Variants in NXPE4 observed in about 807,000 individuals in gnomAD.
NXPE4 encodes neurexophilin and PC-esterase domain family member 4.
Under a neutral mutation model 33.3 loss-of-function variants are expected in NXPE4, and 42 were observed. That is an observed-to-expected ratio of 1.26 (90% CI 0.98 to 1.63). The LOEUF (loss-of-function observed/expected upper bound fraction) is 1.63, where lower values mean the gene tolerates loss of function less well. Ranked by LOEUF, NXPE4 falls within the 40% of genes most tolerant of loss-of-function variation. The pLI, the probability that NXPE4 is intolerant of heterozygous loss-of-function variation, is 0.00. For synonymous variants in NXPE4, 253 were observed against 234.9 expected (o/e 1.08, Z -0.71); for missense variants, 709 against 647.6 (o/e 1.09, Z -1.03).
At chr11:114,632,645 T>C in the NXPE4 span, among the ~76,000 whole-genome samples, 2 of 95,694 alleles carry the variant, frequency 2.1e-5, no homozygotes, top group Non-Finnish European at 3.7e-5. Context: ...ATGTAAATAA[T>C]AAATGTAAAA....
chr11:114,590,133 AAGGACCTCTCTG>A (rs1468033214), intron 2 of NXPE4, among the ~76,000 whole-genome samples: 1 of 152,196 alleles, frequency 6.6e-6, no homozygotes, highest in Non-Finnish European at 1.5e-5. Flanking sequence ...GGCATTGTCA[AAGGACCTCTCTG>A]AGTTTTCCCA....
intron 2 of NXPE4, among the ~76,000 whole-genome samples, chr11:114,588,207 G>A (rs1949354506): frequency 6.6e-6 from 1 of 152,070 alleles, no homozygotes; most frequent in Admixed American, 6.6e-5. Flanking sequence ...CTCCAGCTGT[G>A]CCATCAGGTC....
chr11:114,588,455 C>A (rs544731098), intron 2 of NXPE4, among the ~76,000 whole-genome samples: 2 of 152,244 alleles, frequency 1.3e-5, no homozygotes, highest in East Asian at 3.9e-4. Flanking sequence ...CTAAGCCAAA[C>A]CCTAACTGCA....
At position 114,571,194 on chromosome 11, in the gene NXPE4, T is replaced by A. The variant is rs771614032; in HGVS notation, c.1379A>T (p.His460Leu). The part of the protein sequence containing the change: ...RALNVHKAIQ[H>L]LLLRSPDTMV... ...AGTGTCTGGGCTTCTCAGAAGAAGA[T>A]GCTGAATGGCTTTGTGGACATTGAG... The change falls in exon 6 of 6, where the codon CAT becomes CTT. Residue 460 changes from histidine (H) to leucine (L), a missense_variant. By Grantham distance (99) the His-to-Leu change is moderately conservative. Transcript: ENST00000375478. 1 of 1,614,062 alleles carries A rather than the reference T, an allele frequency of 6.2e-7. No individual in the cohort carries two copies. Among genetic ancestry groups the A allele is most frequent in the South Asian group, 1.1e-5 (1 of 91,078 alleles).
At chr11:114,634,218 G>C in the NXPE4 span, among the ~76,000 whole-genome samples, 1 of 151,778 alleles carries the variant, frequency 6.6e-6, no homozygotes, top group African/African-American at 2.4e-5. Context: ...GGCCAGTGAT[G>C]GTGAGCATTT....
the NXPE4 span, among the ~76,000 whole-genome samples, chr11:114,640,983 G>A: frequency 6.6e-6 from 1 of 151,984 alleles, no homozygotes; most frequent in Non-Finnish European, 1.5e-5. Context: ...TTAGAATTAA[G>A]TGTAATCAAC....
chr11:114,601,874 TTA>T, the NXPE4 span, among the ~76,000 whole-genome samples: 14 of 3,770 alleles, frequency 3.7e-3, no homozygotes, highest in East Asian at 0.17. Flanking sequence ...ATTATATATA[TTA>T]TATATAATTA....
chr11:114,572,311 C>A (rs1332384167), intron 5 of NXPE4, among the ~76,000 whole-genome samples: 1 of 152,128 alleles, frequency 6.6e-6, no homozygotes, highest in Non-Finnish European at 1.5e-5. Context: ...AAACAAGATT[C>A]TTTAACTCCT....
At chr11:114,645,993 C>G in the NXPE4 span, among the ~76,000 whole-genome samples, 1 of 152,028 alleles carries the variant, frequency 6.6e-6, no homozygotes, top group Non-Finnish European at 1.5e-5. Context: ...GCATTTATAT[C>G]TATTGGTTAG....
the NXPE4 span, among the ~76,000 whole-genome samples, chr11:114,605,426 G>A: frequency 4.6e-5 from 7 of 151,634 alleles, no homozygotes; most frequent in East Asian, 3.9e-4. Flanking sequence ...GTATTGCCTC[G>A]TGCGTAACCA....
the NXPE4 span, among the ~76,000 whole-genome samples, chr11:114,609,039 G>GT: frequency 6.6e-6 from 1 of 151,820 alleles, no homozygotes; most frequent in Non-Finnish European, 1.5e-5. Context: ...CTCTTACCTG[G>GT]TGGATACTAA....
chr11:114,627,789 G>GAC, the NXPE4 span, among the ~76,000 whole-genome samples: 2 of 151,972 alleles, frequency 1.3e-5, no homozygotes, highest in East Asian at 3.8e-4. Flanking sequence ...CACAGGCAGA[G>GAC]ACACACATGG....
At chr11:114,623,525 G>T in the NXPE4 span, among the ~76,000 whole-genome samples, 1 of 152,060 alleles carries the variant, frequency 6.6e-6, no homozygotes, top group East Asian at 1.9e-4. Flanking sequence ...TTCCCTCGTG[G>T]ATAAACACTG....
intron 2 of NXPE4, among the ~76,000 whole-genome samples, chr11:114,589,729 C>T (rs559718874): frequency 7.9e-5 from 12 of 152,060 alleles, no homozygotes; most frequent in Non-Finnish European, 1.0e-4. Context: ...TTTTCCTAAT[C>T]GGAGACAATA....
At chr11:114,645,165 G>C in the NXPE4 span, among the ~76,000 whole-genome samples, 1 of 152,056 alleles carries the variant, frequency 6.6e-6, no homozygotes, top group Non-Finnish European at 1.5e-5. Context: ...AGCTGGGCGT[G>C]ATGGCGTGCA....
chr11:114,615,593 T>A, the NXPE4 span, among the ~76,000 whole-genome samples: 1 of 144,698 alleles, frequency 6.9e-6, no homozygotes, highest in African/African-American at 2.7e-5. Context: ...TGAATAATAT[T>A]TGCTGCCTCA....
chr11:114,601,759 ATGTGATT>A, the NXPE4 span, among the ~76,000 whole-genome samples: 236 of 71,078 alleles, frequency 3.3e-3, 9 homozygotes, highest in African/African-American at 0.013. Context: ...TATAATATAT[ATGTGATT>A]ATATATTATA....
At chr11:114,633,505 C>A in the NXPE4 span, among the ~76,000 whole-genome samples, 1 of 150,296 alleles carries the variant, frequency 6.7e-6, no homozygotes, top group Admixed American at 6.7e-5. Flanking sequence ...GGTACATGTG[C>A]ACAATGTGCA....
intron 3 of NXPE4, 46 bp downstream of exon 3, chr11:114,582,242 A>T: frequency 1.3e-6 from 2 of 1,523,060 alleles, no homozygotes; most frequent in Non-Finnish European, 8.8e-7. Context: ...ATATAGGCCA[A>T]ATCACAATAT....
Sources: allele counts gnomAD v4.1 joint callset (sites outside exome capture counted in the v4.1 genomes callset), GRCh38; gene constraint gnomAD v4.1.1; transcripts MANE v1.5; gene names NCBI Gene and HGNC (gene_info 2026-07-23, HGNC 2026-07-21).